The following ADCK1 variants were observed in gnomAD, a reference collection of about 807,000 sequenced individuals.
ADCK1 encodes aarF domain-containing protein kinase 1.
A neutral mutation model predicts 52.3 loss-of-function variants in ADCK1; 41 were observed. That is an observed-to-expected ratio of 0.78 (90% confidence interval 0.61 to 1.02). The LOEUF (loss-of-function observed/expected upper bound fraction) is 1.02, where lower values mean the gene tolerates loss of function less well. Among genes scored for constraint, ADCK1 ranks in the 50% least tolerant of loss-of-function variants. The pLI, the probability that ADCK1 is intolerant of heterozygous loss-of-function variation, is 0.00. For synonymous variants in ADCK1, 250 were observed against 274.6 expected (o/e 0.91, Z 0.89); for missense variants, 658 against 679.5 (o/e 0.97, Z 0.35).
chr14:77,926,091 T>A, intron 9 of ADCK1, 130 bp downstream of exon 9: 1 of 1,096,548 alleles, frequency 9.1e-7, no homozygotes. Flanking sequence ...AGGGGAAGAA[T>A]TGGAGCTATA....
intron 4 of ADCK1, among the ~76,000 whole-genome samples, chr14:77,862,502 G>A (rs186932495): frequency 2.0e-5 from 3 of 152,298 alleles, no homozygotes; most frequent in African/African-American, 4.8e-5. Context: ...GGCATGGTTC[G>A]TGCTGTTGAA....
At chr14:77,804,146 C>A (rs2081168983) in intron 1 of ADCK1, among the ~76,000 whole-genome samples, 2 of 152,036 alleles carry the variant, frequency 1.3e-5, no homozygotes, top group Non-Finnish European at 2.9e-5. Context: ...TGGCCTCAGA[C>A]CCCCTGTAAG....
chr14:77,889,968 A>T (rs1302830121), intron 5 of ADCK1, among the ~76,000 whole-genome samples: 1 of 152,110 alleles, frequency 6.6e-6, no homozygotes, highest in Non-Finnish European at 1.5e-5. Flanking sequence ...TGAGCCCAAG[A>T]GGATAAGTTC....
rs191222939 is a variant in ADCK1, at chr14:77,900,608, A to C, written c.741+1350A>C. The C allele has an allele frequency of 3.1e-3, 1,372 of 446,508 alleles. 19 individuals are homozygous for C. Among genetic ancestry groups the C allele is most frequent in the African/African-American group, 0.026 (1,258 of 48,640 alleles). The allele number at this position is 446,508 out of a possible 1,614,324, so 27.7% of individuals were successfully genotyped here. A position where few individuals can be genotyped will look rare whatever the true frequency, so the allele number is the denominator to read the frequency against. ...TCTCAAGGAACAACAACAACAACAAAAAAGAAATGGGACAGAAAGTTGTAA... is the reference window on the plus strand; with the variant it reads ...TCTCAAGGAACAACAACAACAACAACAAAGAAATGGGACAGAAAGTTGTAA... On this transcript the variant is annotated intron_variant, in intron 6 of 10. Transcript: ENST00000238561.
At position 77,885,741 on chromosome 14, in the gene ADCK1, G is replaced by A. The variant is rs2083133134; in HGVS notation, c.424-1350G>A. 2.0e-5 allele frequency among the ~76,000 whole-genome samples: 3 copies of A among 152,310 alleles called. No homozygotes were observed. The South Asian group carries it at 6.2e-4, about 32-fold the overall frequency. ...CTAGGAGGGTGGGCCAGGACAGCAG[G>A]CATCTATACATGCTTGTGCATGTGT... On this transcript the variant is annotated intron_variant, in intron 4 of 10. Transcript: ENST00000238561.
chr14:77,814,426 G>GAAAA (rs113468969), intron 1 of ADCK1, among the ~76,000 whole-genome samples: 156 of 145,208 alleles, frequency 1.1e-3, no homozygotes, highest in Admixed American at 2.5e-3. Context: ...TCTCTTTACT[G>GAAAA]AAAAAAAAAA....
At chr14:77,816,924 A>G (rs1239669469) in intron 1 of ADCK1, among the ~76,000 whole-genome samples, 1 of 146,218 alleles carries the variant, frequency 6.8e-6, no homozygotes, top group Non-Finnish European at 1.5e-5. Context: ...TGGCTATATT[A>G]TAAGGCATAA....
chr14:77,901,682 G>A (rs969220320), intron 6 of ADCK1, among the ~76,000 whole-genome samples: 9 of 152,124 alleles, frequency 5.9e-5, no homozygotes, highest in Admixed American at 3.9e-4. Context: ...GAGCCACCGC[G>A]GCCGGCCGGA....
At chr14:77,922,019 A>T (rs1358019814) in intron 7 of ADCK1, among the ~76,000 whole-genome samples, 1 of 152,206 alleles carries the variant, frequency 6.6e-6, no homozygotes, top group Non-Finnish European at 1.5e-5. Flanking sequence ...TCTTGGGCTG[A>T]TCAGGAGCCC....
At chr14:77,805,851 A>G (rs950506917) in intron 1 of ADCK1, among the ~76,000 whole-genome samples, 6 of 152,116 alleles carry the variant, frequency 3.9e-5, no homozygotes, top group Admixed American at 6.6e-5. Flanking sequence ...TGATGTTTAT[A>G]TATTCTATGG....
At chr14:77,809,651 G>A (rs867088464) in intron 1 of ADCK1, among the ~76,000 whole-genome samples, 14 of 151,834 alleles carry the variant, frequency 9.2e-5, no homozygotes, top group Non-Finnish European at 4.4e-5. Context: ...ATTATTTGAC[G>A]TTATGCCAAA....
chr14:77,911,811 A>T (rs1445415762), intron 7 of ADCK1, among the ~76,000 whole-genome samples: 1 of 150,362 alleles, frequency 6.7e-6, no homozygotes, highest in African/African-American at 2.5e-5. Flanking sequence ...TTATCAACTT[A>T]TGAGGGAGGT....
At chr14:77,924,738 T>C (rs2084148578) in intron 8 of ADCK1, 132 bp downstream of exon 8, 1 of 1,264,958 alleles carries the variant, frequency 7.9e-7, no homozygotes, top group Non-Finnish European at 1.1e-6. Flanking sequence ...CCCTTGGAGC[T>C]GTCATTTTGT....
Position 77,923,612 on chromosome 14 carries a change from T to TGGCGTGTCAGC in ADCK1, c.859-844_859-834dup, listed in dbSNP as rs2084113774. On this transcript the variant is annotated intron_variant, in intron 7 of 10. Coordinates refer to ENST00000238561, the MANE Select transcript of ADCK1 (RefSeq NM_020421.4). The surrounding 1 kb of genome is among the most constrained non-coding windows in gnomAD (Gnocchi z 4.3). The stretch of plus-strand genomic sequence containing the variant: ...GGGTTGCCTAGGGCAGCTTGTGTCC[T>TGGCGTGTCAGC]GGCGTGTCAGCTTTCTGGGTCGAGC... 6.6e-6 allele frequency: 1 copy of TGGCGTGTCAGC among 152,278 alleles called. No individual in the cohort carries two copies. The highest frequency in any genetic ancestry group is 1.5e-5 in the Non-Finnish European group (1 of 68,100). The allele number at this position is 152,278 out of a possible 1,614,324, so 9.4% of individuals were successfully genotyped here. A position where few individuals can be genotyped will look rare whatever the true frequency, so the allele number is the denominator to read the frequency against.
intron 5 of ADCK1, among the ~76,000 whole-genome samples, chr14:77,895,008 C>T (rs541809711): frequency 6.6e-6 from 1 of 152,266 alleles, no homozygotes; most frequent in East Asian, 1.9e-4. Flanking sequence ...CCGTCTTGGC[C>T]TCCCAAAGTG....
intron 4 of ADCK1, among the ~76,000 whole-genome samples, chr14:77,877,805 A>G (rs1457566897): frequency 6.6e-6 from 1 of 152,028 alleles, no homozygotes; most frequent in African/African-American, 2.4e-5. Flanking sequence ...GAGTCTTGTT[A>G]ATGTTGTCCA....
intron 9 of ADCK1, 126 bp downstream of exon 9, chr14:77,926,087 A>G: frequency 8.9e-7 from 1 of 1,117,326 alleles, no homozygotes. Context: ...GGGGAGGGGA[A>G]GAATTGGAGC....
chr14:77,855,529 C>CT (rs1232966482), intron 3 of ADCK1, among the ~76,000 whole-genome samples: 1 of 152,156 alleles, frequency 6.6e-6, no homozygotes, highest in Non-Finnish European at 1.5e-5. Context: ...AGGTTAAACT[C>CT]TGTTAATATG....
At chr14:77,909,048 G>C (rs1465025603) in intron 7 of ADCK1, among the ~76,000 whole-genome samples, 2 of 152,034 alleles carry the variant, frequency 1.3e-5, no homozygotes, top group Admixed American at 6.5e-5. Flanking sequence ...GTCACTTCAG[G>C]GTTTTGGGGA....
Sources: allele counts gnomAD v4.1 joint callset (sites outside exome capture counted in the v4.1 genomes callset), GRCh38; gene constraint gnomAD v4.1.1; non-coding constraint Gnocchi (gnomAD v3.1); transcripts MANE v1.5; gene names NCBI Gene and HGNC (gene_info 2026-07-23, HGNC 2026-07-21).